Variants in PPM1H observed in about 807,000 individuals in gnomAD.
PPM1H encodes the protein protein phosphatase 1H.
PPM1H carries 27 observed loss-of-function variants against 54.9 expected under a neutral mutation model. The ratio of observed to expected loss-of-function variants is 0.49; its 90% CI spans 0.36 to 0.68. The LOEUF is 0.68. Among genes scored for constraint, PPM1H ranks in the 30% least tolerant of loss-of-function variants. The probability of loss-of-function intolerance (pLI) is 0.00; values close to 1 mark genes in which losing one functional copy is unlikely to be tolerated. For synonymous variants in PPM1H, 305 were observed against 270.8 expected (o/e 1.13, Z -1.24); for missense variants, 596 against 667.8 (o/e 0.89, Z 1.19).
At chr12:62,840,093 A>AGAGAGAGAGAGAGAGAGAG (rs1412754746) in intron 1 of PPM1H, 1 of 139,588 alleles carries the variant, frequency 7.2e-6, no homozygotes, top group African/African-American at 2.9e-5. Flanking sequence ...GAGCGAGAGA[A>AGAGAGAGAGAGAGAGAGAG]ATAAAAAACA....
intron 4 of PPM1H, among the ~76,000 whole-genome samples, chr12:62,746,772 G>A (rs534898889): frequency 1.3e-5 from 2 of 152,212 alleles, no homozygotes; most frequent in East Asian, 1.9e-4. Context: ...CTCCCTTCAC[G>A]GAGCCCCAAC....
intron 6 of PPM1H, among the ~76,000 whole-genome samples, chr12:62,719,607 G>A (rs539813352): frequency 5.3e-5 from 8 of 152,098 alleles, no homozygotes; most frequent in African/African-American, 1.7e-4. Context: ...TTCGGAATAC[G>A]ACAACCCCCC....
At chr12:62,668,981 C>G (rs1283979267) in intron 8 of PPM1H, among the ~76,000 whole-genome samples, 1 of 152,246 alleles carries the variant, frequency 6.6e-6, no homozygotes, top group Non-Finnish European at 1.5e-5. Context: ...AAAGCAGCCA[C>G]CAGGCGCCAG....
At chr12:62,826,816 T>C (rs1424701890) in intron 2 of PPM1H, among the ~76,000 whole-genome samples, 3 of 152,236 alleles carry the variant, frequency 2.0e-5, no homozygotes, top group Non-Finnish European at 4.4e-5. Context: ...TTCATGCCTG[T>C]CAACTCTGTT....
At chr12:62,658,902 A>G (rs1592528148) in intron 9 of PPM1H, 3 of 659,056 alleles carry the variant, frequency 4.6e-6, no homozygotes, top group East Asian at 6.4e-5. Flanking sequence ...TCTGACCAAT[A>G]TGTCAAAATT....
At chr12:62,683,033 TTTATTATTA>T (rs71086626) in intron 8 of PPM1H, among the ~76,000 whole-genome samples, 18,754 of 133,452 alleles carry the variant, frequency 0.14, 1,361 homozygotes, top group East Asian at 0.18. Flanking sequence ...GAGTTTATTA[TTTATTATTA>T]TTATTATTAT....
At chr12:62,713,377 G>C (rs1254292766) in intron 6 of PPM1H, among the ~76,000 whole-genome samples, 2 of 152,194 alleles carry the variant, frequency 1.3e-5, no homozygotes, top group East Asian at 3.9e-4. Flanking sequence ...ATAGGGGAGA[G>C]AGCTGAAAGA....
chr12:62,922,055 A>G (rs1245400781), intron 1 of PPM1H, among the ~76,000 whole-genome samples: 2 of 152,258 alleles, frequency 1.3e-5, no homozygotes, highest in African/African-American at 2.4e-5. Context: ...AAACATTAAA[A>G]TATTTTAAAA....
At chr12:62,688,350 C>T (rs2076065160) in intron 8 of PPM1H, among the ~76,000 whole-genome samples, 1 of 152,038 alleles carries the variant, frequency 6.6e-6, no homozygotes, top group Non-Finnish European at 1.5e-5. Flanking sequence ...GAACCAACGC[C>T]AGCAGCCACC....
intron 2 of PPM1H, among the ~76,000 whole-genome samples, chr12:62,809,252 T>C (rs943345745): frequency 2.0e-5 from 3 of 152,144 alleles, no homozygotes; most frequent in African/African-American, 7.2e-5. Flanking sequence ...GGTTTCACCA[T>C]GTTGGCCAGG....
intron 6 of PPM1H, among the ~76,000 whole-genome samples, chr12:62,700,716 G>A (rs1369733979): frequency 6.6e-6 from 1 of 152,294 alleles, no homozygotes; most frequent in East Asian, 1.9e-4. Context: ...GGATGGCAGT[G>A]AGAGTGTTGA....
At chr12:62,689,480 G>A (rs2076071720) in intron 8 of PPM1H, among the ~76,000 whole-genome samples, 1 of 152,152 alleles carries the variant, frequency 6.6e-6, no homozygotes, top group Non-Finnish European at 1.5e-5. Flanking sequence ...AAAATGTCAG[G>A]AGGAGGCTGT....
intron 4 of PPM1H, among the ~76,000 whole-genome samples, chr12:62,764,793 G>GTGAGGC (rs2076531553): frequency 6.6e-6 from 1 of 152,208 alleles, no homozygotes; most frequent in African/African-American, 2.4e-5. Context: ...GGAGGGTACA[G>GTGAGGC]TGAGGCTGAG....
chr12:62,703,801 T>C lies in PPM1H; in HGVS notation c.1074-9802A>G, dbSNP rs1213319135. 5.3e-5 allele frequency among the ~76,000 whole-genome samples: 8 copies of C among 152,272 alleles called. No individual in the cohort carries two copies. In the East Asian group the frequency reaches 1.5e-3, roughly 29 times the overall value. ...CCTTCCTGCAAAAAGCAATGCAGGA[T>C]TGGCAACCACCTCGTGCTTCCTTTT... On this transcript the variant is annotated intron_variant, in intron 6 of 9. Transcript: ENST00000228705.
At chr12:62,679,797 A>G (rs1487793243) in intron 8 of PPM1H, among the ~76,000 whole-genome samples, 1 of 152,230 alleles carries the variant, frequency 6.6e-6, no homozygotes, top group Non-Finnish European at 1.5e-5. Flanking sequence ...GCAGGTCCCC[A>G]GTACTTAAGT....
chr12:62,921,866 G>A (rs1006623856), intron 1 of PPM1H, among the ~76,000 whole-genome samples: 1 of 152,150 alleles, frequency 6.6e-6, no homozygotes, highest in Non-Finnish European at 1.5e-5. Context: ...TTTTACAGGG[G>A]ACTCACATAA....
Position 62,932,626 on chromosome 12 carries a change from G to C in PPM1H, c.245+1866C>G, listed in dbSNP as rs1448507872. 1.0e-3 allele frequency among the ~76,000 whole-genome samples: 33 copies of C among 31,530 alleles called. 1 individual carries two copies. Among genetic ancestry groups the C allele is most frequent in the African/African-American group, 2.7e-3 (31 of 11,394 alleles). The allele number at this position is 31,530 out of a possible 152,430, so 20.7% of individuals were successfully genotyped here. A position where few individuals can be genotyped will look rare whatever the true frequency, so the allele number is the denominator to read the frequency against. Reference sequence around the variant, plus strand: ...TGCTGTCTCGTAAAGGGTCCAAATGGGCTTTTTTTTTTTTTTTTTTTTTTT... The same window carrying C: ...TGCTGTCTCGTAAAGGGTCCAAATGCGCTTTTTTTTTTTTTTTTTTTTTTT... On this transcript the variant is annotated intron_variant, in intron 1 of 9. Transcript: ENST00000228705.
intron 1 of PPM1H, among the ~76,000 whole-genome samples, chr12:62,922,577 G>A (rs915878584): frequency 5.3e-5 from 8 of 152,082 alleles, no homozygotes; most frequent in Non-Finnish European, 1.0e-4. Flanking sequence ...TCCTAAATAT[G>A]AGAGCATAAA....
At chr12:62,767,664 C>T (rs776961751) in intron 4 of PPM1H, among the ~76,000 whole-genome samples, 37 of 152,180 alleles carry the variant, frequency 2.4e-4, no homozygotes, top group African/African-American at 7.2e-4. Context: ...TCCTAGGATT[C>T]GTGTAATATG....
Sources: gnomAD v4.1 joint callset for allele counts (sites outside exome capture counted in the v4.1 genomes callset) on GRCh38, gnomAD v4.1.1 for gene constraint, MANE v1.5 for transcripts, NCBI Gene and HGNC (gene_info 2026-07-23, HGNC 2026-07-21) for gene names.